ACAD9: variants seen among roughly 807,000 people sequenced by gnomAD.
ACAD9 encodes acyl-CoA dehydrogenase family member 9, also known as complex I assembly factor ACAD9, mitochondrial.
A neutral mutation model predicts 70.2 loss-of-function variants in ACAD9; 53 were observed. The observed-to-expected ratio is 0.75, with a 90% CI of 0.61 to 0.95. The LOEUF is 0.95. ACAD9 is among the 40% of genes least tolerant of loss of function. ACAD9 has a pLI of 0.00. For missense variants in ACAD9, 777 were observed against 802.8 expected (o/e 0.97, Z 0.39); for synonymous variants, 313 against 312.1 (o/e 1.00, Z -0.03).
rs781443508 is a variant in ACAD9, at chr3:128,912,929, G to C, written c.*322G>C. ...CTGGGGCTTATGCTGCTGCCTCCAG[G>C]GTGTGAGGTGGGTGGGGACCTGTGT... On this transcript the variant is annotated 3_prime_UTR_variant, in exon 18 of 18. Coordinates refer to ENST00000308982, the MANE Select transcript of ACAD9 (RefSeq NM_014049.5). The C allele has an allele frequency of 1.9e-6, 1 of 531,734 alleles. No homozygotes were observed. Among genetic ancestry groups the C allele is most frequent in the Non-Finnish European group, 3.6e-6 (1 of 273,988 alleles). The allele number at this position is 531,734 out of a possible 1,614,324, so 32.9% of individuals were successfully genotyped here.
At chr3:128,887,227 G>T (rs909715369) in intron 2 of ACAD9, among the ~76,000 whole-genome samples, 5 of 151,996 alleles carry the variant, frequency 3.3e-5, no homozygotes, top group Non-Finnish European at 5.9e-5. Flanking sequence ...CCTGACACGT[G>T]CATTTAAAGC....
chr3:128,889,673 T>C (rs1441046745), intron 2 of ACAD9, among the ~76,000 whole-genome samples: 1 of 152,252 alleles, frequency 6.6e-6, no homozygotes, highest in African/African-American at 2.4e-5. Context: ...GGTGCATGTA[T>C]TGGTAGTGGC....
At chr3:128,908,329 G>A (rs922416702) in intron 13 of ACAD9, 65 bp downstream of exon 13, 33 of 1,582,160 alleles carry the variant, frequency 2.1e-5, no homozygotes, top group Non-Finnish European at 2.9e-5. Flanking sequence ...CCAGTCCAGG[G>A]CAGTGGGAGG....
At chr3:128,911,352 C>T (rs528688030) in intron 17 of ACAD9, among the ~76,000 whole-genome samples, 10 of 152,206 alleles carry the variant, frequency 6.6e-5, no homozygotes, top group South Asian at 2.1e-4. Context: ...GCCACCGCAC[C>T]GGGCCTGCCA....
chr3:128,909,455 G>T lies in ACAD9; in HGVS notation c.1563+34G>T, dbSNP rs775636113. 5 of 1,607,246 alleles carry T rather than the reference G, an allele frequency of 3.1e-6. No individual in the cohort carries two copies. In the African/African-American group the frequency reaches 5.3e-5, roughly 17 times the overall value. ...GCCCTCCCAGGCCTGGGTCGCAAGC[G>T]GTCCTCCAATTTGGCCAGCATTCAT... On this transcript the variant is annotated intron_variant, in intron 15 of 17. Coordinates refer to ENST00000308982, the MANE Select transcript of ACAD9 (RefSeq NM_014049.5).
At chr3:128,910,239 C>T (rs897639119) in intron 16 of ACAD9, 90 bp downstream of exon 16, 25 of 1,590,352 alleles carry the variant, frequency 1.6e-5, no homozygotes, top group South Asian at 5.6e-5. Context: ...AGGGTGTGGT[C>T]GGGTGTGGGG....
In ACAD9 at chr3:128,884,708, A is replaced by G. The variant is rs752716687; in HGVS notation, c.206A>G (p.Gln69Arg). 9.3e-6 allele frequency: 15 copies of G among 1,613,354 alleles called. No individual in the cohort carries two copies. Among genetic ancestry groups the G allele is most frequent in the Middle Eastern group, 1.7e-4 (1 of 5,764 alleles). ...VSQDELNEIN[Q>R]FLGPVEKFFT... ...CAAGATGAACTTAATGAAATCAATC[A>G]GTTCTTGGGACCCGTGGAAAAATTC... Residue 69 changes from glutamine to arginine, a missense_variant, in exon 2 of 18, where the codon CAG (glutamine) becomes CGG (arginine). Gln to Arg is a conservative substitution (Grantham distance 43). Transcript: ENST00000308982.
chr3:128,904,170 G>C (rs903418586), intron 10 of ACAD9, 38 bp downstream of exon 10: 1 of 1,598,678 alleles, frequency 6.3e-7, no homozygotes, highest in Non-Finnish European at 8.6e-7. Flanking sequence ...GCATTTCACT[G>C]TGTGACATGA....
rs1340489591 is a variant in ACAD9 at position 128,901,142 on chromosome 3, CTT to C, written c.809-132_809-131del. On this transcript the variant is annotated intron_variant, in intron 7 of 17. Coordinates refer to ENST00000308982, the MANE Select transcript of ACAD9 (RefSeq NM_014049.5). ...GTATGAGCCTCCACAAAGATAGGAA[CTT>C]TGTCTTTCTATACTGTCCTACCAAA... The C allele has an allele frequency of 4.8e-6, 4 of 840,058 alleles. No homozygotes were observed. The East Asian group carries it at 7.7e-5, about 16-fold the overall frequency. 52.0% of individuals were successfully genotyped at this position (840,058 alleles called of 1,614,324 possible). A position where few individuals can be genotyped will look rare whatever the true frequency, so the allele number is the denominator to read the frequency against.
intron 7 of ACAD9, among the ~76,000 whole-genome samples, chr3:128,900,688 T>C (rs919782423): frequency 1.3e-5 from 2 of 152,182 alleles, no homozygotes; most frequent in Admixed American, 1.3e-4. Flanking sequence ...TTAAGGTCTC[T>C]GTTCATGTTG....
intron 6 of ACAD9, chr3:128,898,459 G>GCAGTGGCACGATCTTGGCTTACTGCAGC: frequency 2.3e-6 from 1 of 439,824 alleles, no homozygotes; most frequent in South Asian, 1.6e-5. Context: ...AGGCTGGAGT[G>GCAGTGGCACGATCTTGGCTTACTGCAGC]CAGTGGCACG....
intron 11 of ACAD9, among the ~76,000 whole-genome samples, chr3:128,904,929 G>A (rs1311329169): frequency 1.3e-5 from 2 of 152,166 alleles, no homozygotes; most frequent in Non-Finnish European, 2.9e-5. Flanking sequence ...TGGATCACCT[G>A]AGGTCTGGAG....
chr3:128,903,222 A>G (rs1576343601), intron 9 of ACAD9, among the ~76,000 whole-genome samples: 1 of 152,352 alleles, frequency 6.6e-6, no homozygotes, highest in African/African-American at 2.4e-5. Context: ...TACCCGGGGC[A>G]GCACACCCCT....
chr3:128,898,267 C>T (rs1935624060), intron 6 of ACAD9, among the ~76,000 whole-genome samples: 1 of 152,194 alleles, frequency 6.6e-6, no homozygotes, highest in African/African-American at 2.4e-5. Context: ...CACTGTGCCT[C>T]TTCCAGCAGC....
chr3:128,899,301 T>C lies in ACAD9; in HGVS notation c.648T>C (p.Asn216=), dbSNP rs770304596. Residue 216 remains asparagine (N), a synonymous_variant, in exon 7 of 18, where the codon AAT becomes AAC. Transcript: ENST00000308982. ...ILNGSKVWIT[N]GGLANIFTVF... is the part of the protein sequence containing the mutation. ...TCTGTCCTCAGGTCTGGATTACTAA[T>C]GGAGGACTGGCCAATATTTTTACTG... is the stretch of plus-strand genomic sequence containing the variant. The C allele has an allele frequency of 2.5e-6, 4 of 1,614,236 alleles. No individual in the cohort carries two copies. Among genetic ancestry groups the C allele is most frequent in the South Asian group, 1.1e-5 (1 of 91,082 alleles).
In ACAD9 at chr3:128,902,469, G is replaced by T; in HGVS notation, c.883-84G>T. 7.2e-7 allele frequency: 1 copy of T among 1,396,362 alleles called. No homozygotes were observed. The allele number at this position is 1,396,362 out of a possible 1,614,324, so 86.5% of individuals were successfully genotyped here. On this transcript the variant is annotated intron_variant, in intron 8 of 17. Coordinates refer to ENST00000308982, the MANE Select transcript of ACAD9 (RefSeq NM_014049.5). This position sits in a 1 kb window ranked among gnomAD's most constrained non-coding sequence, Gnocchi z 4.0. Reference sequence around the variant, plus strand: ...TTTCTCCCAGCTTGAGGGAAGGCAAGCTGATCCACCTGGCCTGGTTTCGTT... The same window carrying T: ...TTTCTCCCAGCTTGAGGGAAGGCAATCTGATCCACCTGGCCTGGTTTCGTT...
At chr3:128,879,883 C>A (rs746474552) in intron 1 of ACAD9, 42 bp downstream of exon 1, 2 of 1,613,502 alleles carry the variant, frequency 1.2e-6, no homozygotes, top group East Asian at 4.5e-5. Context: ...CTGGCTCCCG[C>A]TTTTCACCCT....
intron 4 of ACAD9, among the ~76,000 whole-genome samples, chr3:128,896,048 C>T (rs1162061178): frequency 2.6e-5 from 4 of 152,246 alleles, no homozygotes; most frequent in Non-Finnish European, 5.9e-5. Flanking sequence ...TCCAGCACTC[C>T]TGTGTCTTCA....
intron 1 of ACAD9, among the ~76,000 whole-genome samples, chr3:128,883,785 A>C (rs1935165311): frequency 6.6e-6 from 1 of 152,058 alleles, no homozygotes; most frequent in Non-Finnish European, 1.5e-5. Context: ...GGGCCCAGAG[A>C]GGAGAAAGCA....
Sources: allele counts gnomAD v4.1 joint callset (sites outside exome capture counted in the v4.1 genomes callset), GRCh38; gene constraint gnomAD v4.1.1; non-coding constraint Gnocchi (gnomAD v3.1); transcripts MANE v1.5; gene names NCBI Gene and HGNC (gene_info 2026-07-23, HGNC 2026-07-21).